Variants in CDKAL1 observed in about 807,000 individuals in gnomAD.
The protein encoded by CDKAL1 is CDKAL1 threonylcarbamoyladenosine tRNA methylthiotransferase, also known as threonylcarbamoyladenosine tRNA methylthiotransferase.
Under a neutral mutation model 68.2 loss-of-function variants are expected in CDKAL1, and 32 were observed. The ratio of observed to expected loss-of-function variants is 0.47; its 90% CI spans 0.35 to 0.63. The LOEUF is 0.63. Ranked by LOEUF, CDKAL1 falls within the 30% of genes least tolerant of loss-of-function variation. The pLI, the probability that CDKAL1 is intolerant of heterozygous loss-of-function variation, is 0.00. For missense variants in CDKAL1, 606 were observed against 696.7 expected, an observed-to-expected ratio of 0.87 and a Z score of 1.47; for synonymous variants, 234 against 244.3, an observed-to-expected ratio of 0.96 and a Z score of 0.39.
At chr6:20,562,568 G>A (rs1021222525) in intron 4 of CDKAL1, among the ~76,000 whole-genome samples, 6 of 151,776 alleles carry the variant, frequency 4.0e-5, no homozygotes, top group South Asian at 2.1e-4. Flanking sequence ...GTGAAACCTC[G>A]TCCCTACTGA....
chr6:20,683,532 T>C (rs543378163), intron 5 of CDKAL1, among the ~76,000 whole-genome samples: 4 of 152,344 alleles, frequency 2.6e-5, no homozygotes, highest in African/African-American at 9.6e-5. Flanking sequence ...TTTATTTCTC[T>C]CACAGTGATT....
intron 4 of CDKAL1, among the ~76,000 whole-genome samples, chr6:20,575,441 C>CA (rs57442477): frequency 0.11 from 10,737 of 95,258 alleles, 408 homozygotes; most frequent in African/African-American, 0.14. Flanking sequence ...AGGGGCACCA[C>CA]AAAAAAAAAA....
intron 7 of CDKAL1, among the ~76,000 whole-genome samples, chr6:20,773,925 C>T (rs183377531): frequency 2.0e-3 from 311 of 152,226 alleles, no homozygotes; most frequent in Non-Finnish European, 3.5e-3. Context: ...CCCCCATCAT[C>T]GTGTTGGATT....
intron 5 of CDKAL1, among the ~76,000 whole-genome samples, chr6:20,721,725 G>GTTTTTTTTTTTTTTTTTTTTTTTTTTTT (rs145893325): frequency 1.5e-5 from 1 of 67,382 alleles, no homozygotes; most frequent in Non-Finnish European, 2.7e-5. Context: ...ACCAACTTCT[G>GTTTTTTTTTTTTTTTTTTTTTTTTTTTT]TTTTTTTTTT....
At chr6:21,192,976 C>T (rs1778321295) in intron 13 of CDKAL1, among the ~76,000 whole-genome samples, 1 of 151,908 alleles carries the variant, frequency 6.6e-6, no homozygotes, top group South Asian at 2.1e-4. Context: ...GCCACCACAC[C>T]CTGCTAATTT....
chr6:21,044,237 G>C (rs1442195476), intron 11 of CDKAL1, among the ~76,000 whole-genome samples: 1 of 151,820 alleles, frequency 6.6e-6, no homozygotes, highest in Non-Finnish European at 1.5e-5. Context: ...CTCTTGTATT[G>C]AGCCTGGCAC....
chr6:21,163,384 A>G (rs751036489), intron 13 of CDKAL1, among the ~76,000 whole-genome samples: 2 of 152,088 alleles, frequency 1.3e-5, no homozygotes, highest in Non-Finnish European at 2.9e-5. Flanking sequence ...CAGTAACCCA[A>G]AACAAACACC....
chr6:20,814,897 A>G (rs2150429706), intron 8 of CDKAL1, among the ~76,000 whole-genome samples: 3 of 152,170 alleles, frequency 2.0e-5, no homozygotes, highest in East Asian at 3.9e-4. Context: ...TAGCTGAACT[A>G]TTTTTACATT....
At chr6:21,058,020 C>T (rs1040619143) in intron 11 of CDKAL1, among the ~76,000 whole-genome samples, 3 of 152,152 alleles carry the variant, frequency 2.0e-5, no homozygotes, top group African/African-American at 4.8e-5. Context: ...TGTAGATATC[C>T]ATCAGGTCCA....
At chr6:20,975,637 A>T (rs1309421525) in intron 10 of CDKAL1, among the ~76,000 whole-genome samples, 2 of 152,192 alleles carry the variant, frequency 1.3e-5, no homozygotes. Context: ...TCTTTGACTT[A>T]GTTATTTCAT....
At chr6:20,807,411 T>C (rs1301001746) in intron 8 of CDKAL1, among the ~76,000 whole-genome samples, 1 of 152,004 alleles carries the variant, frequency 6.6e-6, no homozygotes, top group African/African-American at 2.4e-5. Flanking sequence ...TTTGTAGAGA[T>C]GGGGTTTCGC....
At chr6:20,616,824 G>A (rs751195657) in intron 4 of CDKAL1, among the ~76,000 whole-genome samples, 3 of 126,738 alleles carry the variant, frequency 2.4e-5, no homozygotes, top group South Asian at 2.6e-4. Context: ...ACAGCATGGC[G>A]AAACCCCGAC....
intron 9 of CDKAL1, among the ~76,000 whole-genome samples, chr6:20,948,794 G>T (rs1207890592): frequency 6.6e-6 from 1 of 152,222 alleles, no homozygotes; most frequent in Non-Finnish European, 1.5e-5. Context: ...GTATTAAGAG[G>T]ATAAACTTAA....
Position 20,837,937 on chromosome 6 carries a change from TTGTGTGTGTGTG to T in CDKAL1, c.639-8104_639-8093del, listed in dbSNP as rs531904726. On this transcript the variant is annotated intron_variant, in intron 8 of 15. Coordinates refer to ENST00000274695, the MANE Select transcript of CDKAL1 (RefSeq NM_017774.3). ...AGTTAGGGGTGGAGCTGGGAAGAAA[TTGTGTGTGTGTG>T]TGTGTGTGTGTGTGTGTGTGTGTGT... Among the ~76,000 whole-genome samples the T allele has an allele frequency of 2.4e-3, 291 of 123,202 alleles. 2 individuals carry two copies. The highest frequency in any genetic ancestry group is 7.1e-3 in the African/African-American group (235 of 33,074). 80.8% of individuals were successfully genotyped at this position (123,202 alleles called of 152,430 possible). A position where few individuals can be genotyped will look rare whatever the true frequency, so the allele number is the denominator to read the frequency against.
At chr6:21,155,804 G>T (rs1273965853) in intron 13 of CDKAL1, among the ~76,000 whole-genome samples, 4 of 152,168 alleles carry the variant, frequency 2.6e-5, no homozygotes, top group African/African-American at 9.7e-5. Context: ...TGTGTGTCCA[G>T]GCCTTCCAAA....
At chr6:21,123,114 G>T (rs1774811522) in intron 13 of CDKAL1, among the ~76,000 whole-genome samples, 1 of 152,068 alleles carries the variant, frequency 6.6e-6, no homozygotes, top group Admixed American at 6.5e-5. Context: ...GATAGCCCAG[G>T]TTTTCTGGCT....
At chr6:21,193,363 T>C (rs935783209) in intron 13 of CDKAL1, among the ~76,000 whole-genome samples, 6 of 152,186 alleles carry the variant, frequency 3.9e-5, no homozygotes, top group Non-Finnish European at 8.8e-5. Flanking sequence ...CATAATTTCC[T>C]TCAGCTAATT....
At chr6:21,124,311 A>G (rs1217200428) in intron 13 of CDKAL1, among the ~76,000 whole-genome samples, 2 of 151,692 alleles carry the variant, frequency 1.3e-5, no homozygotes, top group Non-Finnish European at 2.9e-5. Flanking sequence ...CCTCCTTCAC[A>G]TTTCTCTTCA....
chr6:20,950,149 G>A (rs892039158), intron 9 of CDKAL1, among the ~76,000 whole-genome samples: 2 of 152,102 alleles, frequency 1.3e-5, no homozygotes, highest in African/African-American at 2.4e-5. Flanking sequence ...CAGCATGGGC[G>A]TAAAGCATAG....
Sources: allele counts gnomAD v4.1 joint callset (sites outside exome capture counted in the v4.1 genomes callset), GRCh38; gene constraint gnomAD v4.1.1; transcripts MANE v1.5; gene names NCBI Gene and HGNC (gene_info 2026-07-23, HGNC 2026-07-21).